The following NECTIN3 variants were observed in gnomAD, a reference collection of about 807,000 sequenced individuals.
The protein encoded by NECTIN3 is nectin-3.
A neutral mutation model predicts 49.4 loss-of-function variants in NECTIN3; 8 were observed. That is an observed-to-expected ratio of 0.16 (90% CI 0.10 to 0.29). The LOEUF is 0.29. NECTIN3 is among the 10% of genes least tolerant of loss of function. The pLI is 1.00. For synonymous variants in NECTIN3, 277 were observed against 241.1 expected (o/e 1.15, Z -1.38); for missense variants, 581 against 654.6 (o/e 0.89, Z 1.23).
chr3:111,193,391 T>G, intron 1 of NECTIN3: 1 of 1,529,406 alleles, frequency 6.5e-7, no homozygotes, highest in Non-Finnish European at 8.7e-7. Context: ...TTTTCTCTTT[T>G]TCCAATGGGC....
chr3:111,157,286 T>C (rs1244192649), intron 7 of NECTIN3, among the ~76,000 whole-genome samples: 1 of 151,614 alleles, frequency 6.6e-6, no homozygotes, highest in African/African-American at 2.4e-5. Context: ...CTTTGATTAA[T>C]AGCAAAATAC....
rs1050581952 is a variant in NECTIN3 at position 111,136,808 on chromosome 3, T to C, written c.*2593T>C. ...TACTGGTTAAAATATTTCAATGATA[T>C]AATGAAGATGAATGCAACTCTTATT... On this transcript the variant is annotated 3_prime_UTR_variant, in exon 6 of 6. Coordinates refer to ENST00000485303, the MANE Select transcript of NECTIN3 (RefSeq NM_015480.3). The C allele has an allele frequency of 6.4e-5, 60 of 943,724 alleles. No homozygotes were observed. Among genetic ancestry groups the C allele is most frequent in the African/African-American group, 1.4e-4 (8 of 56,174 alleles). The allele number at this position is 943,724 out of a possible 1,614,324, so 58.5% of individuals were successfully genotyped here. A position where few individuals can be genotyped will look rare whatever the true frequency, so the allele number is the denominator to read the frequency against.
chr3:111,103,200 G>T (rs2033003692), intron 1 of NECTIN3, among the ~76,000 whole-genome samples: 1 of 152,136 alleles, frequency 6.6e-6, no homozygotes, highest in Non-Finnish European at 1.5e-5. Context: ...CTGAGATTTT[G>T]ATTGGAATGT....
chr3:111,169,079 CTTTTTTTTTTTTTT>C (rs142606359), intron 7 of NECTIN3, among the ~76,000 whole-genome samples: 1 of 104,106 alleles, frequency 9.6e-6, no homozygotes, highest in Non-Finnish European at 1.8e-5. Flanking sequence ...ACTATTCAAA[CTTTTTTTTTTTTTT>C]TTTTTTTTTT....
intron 5 of NECTIN3, among the ~76,000 whole-genome samples, chr3:111,144,345 A>T (rs2034822852): frequency 6.6e-6 from 1 of 152,028 alleles, no homozygotes; most frequent in Non-Finnish European, 1.5e-5. Flanking sequence ...TGCATGAATT[A>T]AGGGAAATTT....
chr3:111,145,986 G>A (rs2034864508), intron 6 of NECTIN3, among the ~76,000 whole-genome samples: 1 of 152,076 alleles, frequency 6.6e-6, no homozygotes, highest in African/African-American at 2.4e-5. Context: ...ATCTCAATGA[G>A]CCTCATTTTT....
chr3:111,145,329 T>C (rs2034847585), intron 6 of NECTIN3, among the ~76,000 whole-genome samples: 1 of 152,182 alleles, frequency 6.6e-6, no homozygotes, highest in Non-Finnish European at 1.5e-5. Flanking sequence ...GCCTTCTGAA[T>C]AGAAATGTAA....
At chr3:111,098,990 C>T (rs962499290) in intron 1 of NECTIN3, among the ~76,000 whole-genome samples, 4 of 149,624 alleles carry the variant, frequency 2.7e-5, no homozygotes, top group Non-Finnish European at 5.9e-5. Flanking sequence ...CTGGCCTTAT[C>T]TCCTGTCATT....
At chr3:111,087,490 T>TA (rs953658334) in intron 1 of NECTIN3, among the ~76,000 whole-genome samples, 1 of 151,826 alleles carries the variant, frequency 6.6e-6, no homozygotes, top group Non-Finnish European at 1.5e-5. Context: ...CTGTCTCTAT[T>TA]AAAAATACAA....
chr3:111,137,686 G>A (rs1182685138), downstream of NECTIN3: 2 of 192,928 alleles, frequency 1.0e-5, no homozygotes, highest in African/African-American at 4.8e-5. Flanking sequence ...TGATTTGTGG[G>A]AATCAGAAAC....
intron 3 of NECTIN3, among the ~76,000 whole-genome samples, chr3:111,120,945 T>C (rs2033922687): frequency 6.6e-6 from 1 of 151,966 alleles, no homozygotes; most frequent in Admixed American, 6.6e-5. Context: ...ATATAAATTT[T>C]ATGTATATAA....
intron 4 of NECTIN3, 102 bp from the exon 5 acceptor site, chr3:111,126,082 A>T: frequency 2.4e-6 from 2 of 834,250 alleles, no homozygotes; most frequent in Non-Finnish European, 3.3e-6. Context: ...ATGCTTTTTT[A>T]TTTTGACTAA....
At chr3:111,117,735 A>C (rs1446705368) in intron 2 of NECTIN3, among the ~76,000 whole-genome samples, 2 of 152,098 alleles carry the variant, frequency 1.3e-5, no homozygotes, top group African/African-American at 2.4e-5. Context: ...AACTCAATGC[A>C]CAGAGTAAAC....
chr3:111,093,426 G>GTTT (rs35209735), intron 1 of NECTIN3, among the ~76,000 whole-genome samples: 26 of 140,214 alleles, frequency 1.9e-4, no homozygotes, highest in East Asian at 1.0e-3. Flanking sequence ...ATTTTGTTGG[G>GTTT]TTTTTTTTTT....
intron 1 of NECTIN3, among the ~76,000 whole-genome samples, chr3:111,080,914 A>G (rs1032168840): frequency 1.3e-5 from 2 of 152,204 alleles, no homozygotes; most frequent in African/African-American, 4.8e-5. Flanking sequence ...GGGCTGGAAG[A>G]GTTAAAAATG....
intron 1 of NECTIN3, among the ~76,000 whole-genome samples, chr3:111,089,509 G>A (rs2032134616): frequency 6.6e-6 from 1 of 151,738 alleles, no homozygotes; most frequent in African/African-American, 2.4e-5. Context: ...CATCCCATGT[G>A]TATTCAGTTC....
chr3:111,185,122 C>T (rs974160307), intron 7 of NECTIN3, among the ~76,000 whole-genome samples: 1 of 152,188 alleles, frequency 6.6e-6, no homozygotes, highest in African/African-American at 2.4e-5. Context: ...AACTCTCATG[C>T]AGATTTCTGG....
intron 5 of NECTIN3, among the ~76,000 whole-genome samples, chr3:111,133,122 A>G (rs1032872148): frequency 6.6e-6 from 1 of 151,978 alleles, no homozygotes; most frequent in East Asian, 1.9e-4. Context: ...TCTTTTAAAG[A>G]TACGCTCAGC....
chr3:111,096,770 T>C (rs1407267567), intron 1 of NECTIN3, among the ~76,000 whole-genome samples: 6 of 152,116 alleles, frequency 3.9e-5, no homozygotes, highest in African/African-American at 1.4e-4. Context: ...AGCCTGCGGG[T>C]GCACAGAGGT....
Sources: allele counts gnomAD v4.1 joint callset (sites outside exome capture counted in the v4.1 genomes callset), GRCh38; gene constraint gnomAD v4.1.1; transcripts MANE v1.5; gene names NCBI Gene and HGNC (gene_info 2026-07-23, HGNC 2026-07-21).